ULK4: variants seen among roughly 807,000 people sequenced by gnomAD.
ULK4 encodes inactive serine/threonine-protein kinase ULK4.
Under a neutral mutation model 160.6 loss-of-function variants are expected in ULK4, and 133 were observed. The observed-to-expected ratio is 0.83, with a 90% confidence interval of 0.72 to 0.96. ULK4 has a LOEUF of 0.96. Ranked by LOEUF, ULK4 falls within the 40% of genes least tolerant of loss-of-function variation. ULK4 has a pLI of 0.00. For synonymous variants in ULK4, 534 were observed against 539.8 expected (o/e 0.99, Z 0.15); for missense variants, 1,580 against 1,499.5 (o/e 1.05, Z -0.89).
At chr3:41,317,233 G>A (rs1159997496) in intron 35 of ULK4, among the ~76,000 whole-genome samples, 3 of 151,478 alleles carry the variant, frequency 2.0e-5, no homozygotes, top group Non-Finnish European at 4.4e-5. Flanking sequence ...CCGCCACGGC[G>A]CCCGGCTAAT....
At chr3:41,668,231 T>C (rs528461444) in intron 29 of ULK4, among the ~76,000 whole-genome samples, 2 of 152,208 alleles carry the variant, frequency 1.3e-5, no homozygotes, top group South Asian at 4.2e-4. Flanking sequence ...AACTTTAGGG[T>C]TTGAGGAATC....
At chr3:41,418,538 A>G (rs893995228) in intron 34 of ULK4, among the ~76,000 whole-genome samples, 1 of 152,110 alleles carries the variant, frequency 6.6e-6, no homozygotes, top group Non-Finnish European at 1.5e-5. Context: ...TGCTTTAACT[A>G]CTTTTTCTGG....
At chr3:41,416,118 C>T (rs2082521134) in intron 34 of ULK4, among the ~76,000 whole-genome samples, 1 of 152,160 alleles carries the variant, frequency 6.6e-6, no homozygotes, top group Non-Finnish European at 1.5e-5. Context: ...AATAGGAACA[C>T]TGTGTTAAAC....
At chr3:41,769,567 CA>C (rs1340135060) in intron 21 of ULK4, among the ~76,000 whole-genome samples, 1 of 152,158 alleles carries the variant, frequency 6.6e-6, no homozygotes, top group African/African-American at 2.4e-5. Context: ...AATCACAGCA[CA>C]ACAAGGTTAT....
intron 31 of ULK4, among the ~76,000 whole-genome samples, chr3:41,601,449 T>C (rs1272122415): frequency 6.6e-6 from 1 of 152,120 alleles, no homozygotes; most frequent in Admixed American, 6.5e-5. Flanking sequence ...TTCCTATTCT[T>C]TGAGTGTCAG....
At chr3:41,420,196 T>C (rs2082628471) in intron 34 of ULK4, among the ~76,000 whole-genome samples, 1 of 152,098 alleles carries the variant, frequency 6.6e-6, no homozygotes, top group South Asian at 2.1e-4. Context: ...TGTAGGATCG[T>C]TTTTAATACA....
chr3:41,858,827 A>G (rs1439652852), intron 17 of ULK4, among the ~76,000 whole-genome samples: 4 of 151,492 alleles, frequency 2.6e-5, no homozygotes, highest in African/African-American at 9.7e-5. Flanking sequence ...TCCCCCCCAT[A>G]GAAAGCAGAA....
At chr3:41,763,635 G>T (rs1292389873) in intron 21 of ULK4, among the ~76,000 whole-genome samples, 1 of 152,134 alleles carries the variant, frequency 6.6e-6, no homozygotes, top group Non-Finnish European at 1.5e-5. Context: ...TAGAGTTTGG[G>T]TCTACTATGA....
At chr3:41,892,497 G>A (rs372024793) in intron 16 of ULK4, among the ~76,000 whole-genome samples, 39 of 152,246 alleles carry the variant, frequency 2.6e-4, no homozygotes, top group African/African-American at 8.2e-4. Flanking sequence ...TGCATACAAC[G>A]GAATATTATT....
intron 32 of ULK4, among the ~76,000 whole-genome samples, chr3:41,500,234 T>C (rs2085148110): frequency 1.3e-5 from 2 of 151,952 alleles, no homozygotes; most frequent in South Asian, 2.1e-4. Flanking sequence ...GTTTTTTTTT[T>C]CTAGCTTCCT....
rs539135586 is a variant in ULK4, at chr3:41,283,999, A to C, written c.3679-34425T>G. On this transcript the variant is annotated intron_variant, in intron 35 of 36. Transcript: ENST00000301831. ...AAATAAATAAATAAATAAAATACTT[A>C]GGAATATACCTAACCAAGGAGCCAA... Among the ~76,000 whole-genome samples, 130 of 152,232 alleles carry C rather than the reference A, an allele frequency of 8.5e-4. 1 individual carries two copies. Among genetic ancestry groups the C allele is most frequent in the Middle Eastern group, 3.4e-3 (1 of 294 alleles).
At chr3:41,906,668 ATACATGC>A (rs1277996647) in intron 12 of ULK4, among the ~76,000 whole-genome samples, 1 of 152,174 alleles carries the variant, frequency 6.6e-6, no homozygotes, top group Non-Finnish European at 1.5e-5. Context: ...TCTAGTACTG[ATACATGC>A]TACAACTTGG....
intron 32 of ULK4, among the ~76,000 whole-genome samples, chr3:41,477,321 A>G (rs1416886815): frequency 6.6e-6 from 1 of 152,220 alleles, no homozygotes; most frequent in African/African-American, 2.4e-5. Flanking sequence ...GTTTTTCACA[A>G]TCTGTTAGAG....
intron 18 of ULK4, among the ~76,000 whole-genome samples, chr3:41,827,331 G>C (rs2041397319): frequency 6.6e-6 from 1 of 151,744 alleles, no homozygotes; most frequent in South Asian, 2.1e-4. Context: ...GAAGGAGACA[G>C]AGACACAAAA....
rs765196710 is a variant in ULK4, at chr3:41,954,770, A to G, written c.-11T>C. 13 of 1,607,104 alleles carry G rather than the reference A, an allele frequency of 8.1e-6. No homozygotes were observed. Among genetic ancestry groups the G allele is most frequent in the African/African-American group, 4.0e-5 (3 of 74,650 alleles). On this transcript the variant is annotated 5_prime_UTR_variant, in exon 2 of 37. Transcript: ENST00000301831. ...AATAAAGTTTTCCATCTCTGGGCCG[A>G]CTTCTCACATACAATAGAATAACAG...
chr3:41,292,651 A>G (rs1029408222), intron 35 of ULK4, among the ~76,000 whole-genome samples: 2 of 152,162 alleles, frequency 1.3e-5, no homozygotes, highest in African/African-American at 4.8e-5. Flanking sequence ...TCAAAAAAAG[A>G]AAAAGAAAAA....
chr3:41,813,951 G>C (rs561072023), intron 19 of ULK4, among the ~76,000 whole-genome samples: 2 of 152,226 alleles, frequency 1.3e-5, no homozygotes, highest in Non-Finnish European at 2.9e-5. Flanking sequence ...TGCCCAGTGT[G>C]TCTTGGAGTG....
At chr3:41,610,514 T>C (rs1054876494) in intron 31 of ULK4, among the ~76,000 whole-genome samples, 2 of 152,214 alleles carry the variant, frequency 1.3e-5, no homozygotes, top group Non-Finnish European at 1.5e-5. Context: ...GATGGATGCA[T>C]AGGATTGAAA....
intron 29 of ULK4, among the ~76,000 whole-genome samples, chr3:41,672,643 G>A (rs575690177): frequency 6.6e-6 from 1 of 152,122 alleles, no homozygotes; most frequent in Non-Finnish European, 1.5e-5. Context: ...TAGAGAAGCA[G>A]AGTGACTGTA....
Sources: allele counts gnomAD v4.1 joint callset (sites outside exome capture counted in the v4.1 genomes callset), GRCh38; gene constraint gnomAD v4.1.1; transcripts MANE v1.5; gene names NCBI Gene and HGNC (gene_info 2026-07-23, HGNC 2026-07-21).